COQ8B: variants seen among roughly 807,000 people sequenced by gnomAD.
COQ8B encodes the protein atypical kinase COQ8B, mitochondrial.
Under a neutral mutation model 62.0 loss-of-function variants are expected in COQ8B, and 44 were observed. The observed-to-expected ratio is 0.71, with a 90% CI of 0.56 to 0.91. The LOEUF is 0.91. COQ8B is among the 40% of genes least tolerant of loss of function. COQ8B has a pLI of 0.00. For synonymous variants in COQ8B, 252 were observed against 289.9 expected, an observed-to-expected ratio of 0.87 and a Z score of 1.33; for missense variants, 649 against 731.6, an observed-to-expected ratio of 0.89 and a Z score of 1.30.
Position 40,703,593 on chromosome 19 carries a change from G to C in COQ8B, c.747C>G (p.Ser249Arg), listed in dbSNP as rs368884308. Residue 249 changes from serine to arginine, a missense_variant, in exon 9 of 15, where the codon AGC becomes AGG. Coordinates refer to ENST00000324464, the MANE Select transcript of COQ8B (RefSeq NM_024876.4). The part of the protein sequence containing the change: ...QYPGIAQSIQ[S>R]DVQNLLAVLK... Reference sequence around the variant, plus strand: ...GTACCGCCAGCAGGTTCTGGACATCGCTCTGAATGCTCTGGGCTATGCCGG... The same window carrying C: ...GTACCGCCAGCAGGTTCTGGACATCCCTCTGAATGCTCTGGGCTATGCCGG... The C allele has an allele frequency of 1.2e-6, 2 of 1,611,370 alleles. No homozygotes were observed. The highest frequency in any genetic ancestry group is 3.3e-5 in the Admixed American group (2 of 59,810).
At chr19:40,712,013 GTA>G (rs899503881) in intron 4 of COQ8B, among the ~76,000 whole-genome samples, 2 of 151,154 alleles carry the variant, frequency 1.3e-5, no homozygotes, top group African/African-American at 4.9e-5. Flanking sequence ...ATCTATCTAT[GTA>G]TATATATATA....
chr19:40,701,216 C>A (rs1287371490), intron 10 of COQ8B: 1 of 152,258 alleles, frequency 6.6e-6, no homozygotes, highest in African/African-American at 2.4e-5. Flanking sequence ...ATGTTCCCAG[C>A]TACTCAGGAG....
chr19:40,709,945 T>G lies in COQ8B; in HGVS notation c.367+114A>C, dbSNP rs1599637150. On this transcript the variant is annotated intron_variant, in intron 5 of 14. Transcript: ENST00000324464. Reference sequence around the variant, plus strand: ...CAATGACTCTAAGAGGTGGGTAAATTATCACCACCTCCATCTTCCGCATGA... The same window carrying G: ...CAATGACTCTAAGAGGTGGGTAAATGATCACCACCTCCATCTTCCGCATGA... 9 of 1,055,912 alleles carry G rather than the reference T, an allele frequency of 8.5e-6. No homozygotes were observed. In the East Asian group the frequency reaches 2.3e-4, roughly 27 times the overall value. The allele number at this position is 1,055,912 out of a possible 1,614,324, so 65.4% of individuals were successfully genotyped here.
rs1296469244 is a variant in COQ8B at position 40,696,746 on chromosome 19, G to A, written c.1144-692C>T. Among the ~76,000 whole-genome samples the A allele has an allele frequency of 2.0e-5, 3 of 151,762 alleles. No homozygotes were observed. The East Asian group carries it at 5.8e-4, about 29-fold the overall frequency. On this transcript the variant is annotated intron_variant, in intron 12 of 14. Coordinates refer to ENST00000324464, the MANE Select transcript of COQ8B (RefSeq NM_024876.4). ...ATCACACCTCCCCCAGGTCCCCAGG[G>A]TCACCTCTTTCCTACAATCATTATT...
intron 1 of COQ8B, chr19:40,715,198 G>C: frequency 1.0e-6 from 1 of 985,156 alleles, no homozygotes; most frequent in East Asian, 1.1e-4. Context: ...TCTGTGCGCG[G>C]GGGAAGGGGC....
chr19:40,702,660 T>C lies in COQ8B; in HGVS notation c.833A>G (p.Gln278Arg), dbSNP rs915773865. The change falls in exon 10 of 15, where the codon CAG (glutamine) becomes CGG (arginine). Residue 278 changes from glutamine (Q) to arginine (R), a missense_variant. Physicochemically the swap from Gln to Arg is conservative, Grantham distance 43 (BLOSUM62 1). Coordinates refer to ENST00000324464, the MANE Select transcript of COQ8B (RefSeq NM_024876.4). Reference protein sequence around the residue: ...LFAEQSLQALQQELAWECDYR... With the variant: ...LFAEQSLQALRQELAWECDYR... ...GTCACACTCCCAAGCCAGCTCCTGC[T>C]GCAAGGCCTGCAGGCTCTGCTCGGC... The C allele has an allele frequency of 1.3e-5, 21 of 1,611,064 alleles. No homozygotes were observed. The highest frequency in any genetic ancestry group is 1.7e-5 in the Admixed American group (1 of 59,996).
Position 40,692,215 on chromosome 19 carries a change from G to C in COQ8B, c.1455C>G (p.Thr485=). The C allele has an allele frequency of 6.2e-7, 1 of 1,604,686 alleles. No individual in the cohort carries two copies. Among genetic ancestry groups the C allele is most frequent in the Non-Finnish European group, 8.5e-7 (1 of 1,175,670 alleles). ...CTGCCAGCTTGCGGTGCAGGGCATA[G>C]GTCTCCTCGGGTGGGGGACACAGCC... ...RHRLCPPPEE[T]YALHRKLAGA... Residue 485 remains threonine (T), a synonymous_variant, in exon 15 of 15, where the codon ACC becomes ACG. Coordinates refer to ENST00000324464, the MANE Select transcript of COQ8B (RefSeq NM_024876.4).
chr19:40,706,236 C>T (rs543524747), intron 5 of COQ8B, among the ~76,000 whole-genome samples: 21 of 152,260 alleles, frequency 1.4e-4, no homozygotes, highest in Admixed American at 2.0e-4. Context: ...CAACGATTCT[C>T]GAAATGTGGG....
chr19:40,700,448 C>T lies in COQ8B; in HGVS notation c.897G>A (p.Gln299=). The T allele has an allele frequency of 6.2e-7, 1 of 1,613,038 alleles. No homozygotes were observed. The highest frequency in any genetic ancestry group is 8.5e-7 in the Non-Finnish European group (1 of 1,179,676). Residue 299 remains glutamine (Q), a synonymous_variant, in exon 11 of 15, where the codon CAG becomes CAA. Transcript: ENST00000324464. Reference sequence around the variant, plus strand: ...GGAAGAAGGGGTCATTTGCCAGCAGCTGCCTGGGGCAGAAGGAAAGGGAGG... The same window carrying T: ...GGAAGAAGGGGTCATTTGCCAGCAGTTGCCTGGGGCAGAAGGAAAGGGAGG... The part of the protein sequence containing the change: ...REAACAQNFR[Q]LLANDPFFRV...
At chr19:40,710,847 C>T (rs1355281963) in intron 4 of COQ8B, among the ~76,000 whole-genome samples, 2 of 152,160 alleles carry the variant, frequency 1.3e-5, no homozygotes, top group Non-Finnish European at 2.9e-5. Context: ...AAGAAGGCCC[C>T]TCGGCCGGGC....
intron 7 of COQ8B, chr19:40,704,835 T>C: frequency 2.3e-6 from 1 of 435,208 alleles, no homozygotes; most frequent in Non-Finnish European, 4.2e-6. Flanking sequence ...AACTGATTTA[T>C]GTGACCCTAT....
intron 14 of COQ8B, 49 bp downstream of exon 14, chr19:40,692,902 G>A (rs367771031): frequency 1.9e-6 from 3 of 1,556,646 alleles, no homozygotes; most frequent in Admixed American, 1.7e-5. Flanking sequence ...GCCCCCCACT[G>A]CACCCCACCA....
rs568885771 is a variant in COQ8B at position 40,709,965 on chromosome 19, G to A, written c.367+94C>T. ...TAAATTATCACCACCTCCATCTTCC[G>A]CATGAGGAAACTGGAGCTCAGAGGG... On this transcript the variant is annotated intron_variant, in intron 5 of 14. Transcript: ENST00000324464. The A allele has an allele frequency of 2.0e-5, 26 of 1,304,116 alleles. 1 individual carries two copies. Among genetic ancestry groups the A allele is most frequent in the Non-Finnish European group, 2.6e-5 (24 of 914,522 alleles). 80.8% of individuals were successfully genotyped at this position (1,304,116 alleles called of 1,614,324 possible). A position where few individuals can be genotyped will look rare whatever the true frequency, so the allele number is the denominator to read the frequency against.
chr19:40,710,929 C>T (rs139134941), intron 4 of COQ8B, among the ~76,000 whole-genome samples: 208 of 152,126 alleles, frequency 1.4e-3, no homozygotes, highest in African/African-American at 4.8e-3. Context: ...GTCAGGAGGT[C>T]GAGACCAGCC....
chr19:40,709,408 TTTTTA>T (rs1403352637), intron 5 of COQ8B, among the ~76,000 whole-genome samples: 6 of 152,358 alleles, frequency 3.9e-5, no homozygotes, highest in African/African-American at 9.6e-5. Flanking sequence ...TACCCTCAAC[TTTTTA>T]TTTTATTTTT....
rs1162431266 is a variant in COQ8B, at chr19:40,710,049, G to C, written c.367+10C>G. 8 of 1,613,154 alleles carry C rather than the reference G, an allele frequency of 5.0e-6. No individual in the cohort carries two copies. In the South Asian group the frequency reaches 8.8e-5, roughly 18 times the overall value. ...CCAGGATCTGAACCCAGGCAGTGTG[G>C]CTCACTCACCTGACTGCAGACGACC... On this transcript the variant is annotated intron_variant, in intron 5 of 14. Coordinates refer to ENST00000324464, the MANE Select transcript of COQ8B (RefSeq NM_024876.4).
intron 10 of COQ8B, 92 bp downstream of exon 10, chr19:40,702,508 C>T: frequency 8.2e-7 from 1 of 1,225,316 alleles, no homozygotes; most frequent in Non-Finnish European, 1.2e-6. Context: ...TGCCCTACCC[C>T]ACAGCTCCAG....
intron 4 of COQ8B, among the ~76,000 whole-genome samples, chr19:40,710,952 A>G (rs1599638131): frequency 6.6e-6 from 1 of 151,940 alleles, no homozygotes; most frequent in South Asian, 2.1e-4. Flanking sequence ...GCCAACGTGG[A>G]GAAACCCTGT....
intron 12 of COQ8B, among the ~76,000 whole-genome samples, chr19:40,696,342 C>G (rs2082014967): frequency 6.6e-6 from 1 of 152,120 alleles, no homozygotes. Context: ...TGAATACTCA[C>G]AAATCCTGCC....
Sources: gnomAD v4.1 joint callset for allele counts (sites outside exome capture counted in the v4.1 genomes callset) on GRCh38, gnomAD v4.1.1 for gene constraint, MANE v1.5 for transcripts, NCBI Gene and HGNC (gene_info 2026-07-23, HGNC 2026-07-21) for gene names.